PRKN: variants seen among roughly 807,000 people sequenced by gnomAD.
PRKN encodes E3 ubiquitin-protein ligase parkin.
Under a neutral mutation model 59.5 loss-of-function variants are expected in PRKN, and 56 were observed. The observed-to-expected ratio is 0.94, with a 90% CI of 0.76 to 1.18. The LOEUF (loss-of-function observed/expected upper bound fraction) is 1.18, where lower values mean the gene tolerates loss of function less well. PRKN is among the 50% of genes most tolerant of loss of function. The probability of loss-of-function intolerance (pLI) is 0.00; values close to 1 mark genes in which losing one functional copy is unlikely to be tolerated. For synonymous variants in PRKN, 250 were observed against 222.1 expected (o/e 1.13, Z -1.12); for missense variants, 657 against 596.4 (o/e 1.10, Z -1.06).
chr6:161,364,671 G>A (rs1387207978), intron 10 of PRKN, among the ~76,000 whole-genome samples: 1 of 151,974 alleles, frequency 6.6e-6, no homozygotes, highest in East Asian at 1.9e-4. Flanking sequence ...AGTAGGCTGT[G>A]TGTGGTGGCT....
chr6:161,430,119 G>A (rs1384458180), intron 9 of PRKN, among the ~76,000 whole-genome samples: 1 of 152,110 alleles, frequency 6.6e-6, no homozygotes, highest in Admixed American at 6.5e-5. Flanking sequence ...TTTTATAATG[G>A]GCCGTGAGCA....
intron 7 of PRKN, among the ~76,000 whole-genome samples, chr6:161,669,146 C>A (rs1479799419): frequency 6.6e-6 from 1 of 152,156 alleles, no homozygotes; most frequent in African/African-American, 2.4e-5. Flanking sequence ...AGACACAATC[C>A]TTTACAAACA....
rs1554277877 is a variant in PRKN at position 161,570,146 on chromosome 6, AATAT to A, written c.872-734_872-731del. Reference sequence around the variant, plus strand: ...AGGTAAAAAAAAAAAAAAAAAAAAAAATATATATATATATATATATATGCACACA... The same window carrying A: ...AGGTAAAAAAAAAAAAAAAAAAAAAAATATATATATATATATATGCACACA... On this transcript the variant is annotated intron_variant, in intron 7 of 11. Coordinates refer to ENST00000366898, the MANE Select transcript of PRKN (RefSeq NM_004562.3). Among the ~76,000 whole-genome samples the A allele has an allele frequency of 1.1e-3, 87 of 76,556 alleles. 1 individual carries two copies. The highest frequency in any genetic ancestry group is 0.015 in the Middle Eastern group (2 of 134). 50.2% of individuals were successfully genotyped at this position (76,556 alleles called of 152,430 possible).
At chr6:161,993,550 T>C (rs1781729172) in intron 5 of PRKN, among the ~76,000 whole-genome samples, 1 of 152,200 alleles carries the variant, frequency 6.6e-6, no homozygotes, top group Non-Finnish European at 1.5e-5. Flanking sequence ...TCTTAAACTA[T>C]TTCAAAAAGG....
intron 7 of PRKN, among the ~76,000 whole-genome samples, chr6:161,665,596 T>A (rs954346206): frequency 2.8e-4 from 43 of 152,188 alleles, no homozygotes; most frequent in African/African-American, 1.0e-3. Flanking sequence ...CTTGCTCCCA[T>A]CTTCTAATAG....
chr6:161,879,748 A>G (rs1303832677), intron 6 of PRKN, among the ~76,000 whole-genome samples: 1 of 152,190 alleles, frequency 6.6e-6, no homozygotes, highest in African/African-American at 2.4e-5. Flanking sequence ...CTGAAAACAC[A>G]CTGAAACTTA....
At chr6:162,562,929 G>C (rs1779901883) in intron 1 of PRKN, among the ~76,000 whole-genome samples, 1 of 152,186 alleles carries the variant, frequency 6.6e-6, no homozygotes, top group Admixed American at 6.5e-5. Context: ...CATAGTGGTG[G>C]TGGCCACAGG....
chr6:161,514,643 T>C (rs1327947168), intron 9 of PRKN, among the ~76,000 whole-genome samples: 1 of 151,998 alleles, frequency 6.6e-6, no homozygotes, highest in African/African-American at 2.4e-5. Context: ...AGTTGGGGGA[T>C]AGCCGTTTGT....
At chr6:162,368,852 T>G in intron 2 of PRKN, among the ~76,000 whole-genome samples, 1 of 152,202 alleles carries the variant, frequency 6.6e-6, no homozygotes, top group East Asian at 1.9e-4. Context: ...GAGCCAAACC[T>G]GTGTCTCTGC....
intron 9 of PRKN, among the ~76,000 whole-genome samples, chr6:161,514,418 A>C (rs1778511521): frequency 6.6e-6 from 1 of 151,984 alleles, no homozygotes; most frequent in Non-Finnish European, 1.5e-5. Flanking sequence ...TTGGGGGTAA[A>C]GTTTTATTTT....
chr6:162,120,611 G>A (rs1429486483), intron 4 of PRKN, among the ~76,000 whole-genome samples: 1 of 152,186 alleles, frequency 6.6e-6, no homozygotes, highest in Non-Finnish European at 1.5e-5. Flanking sequence ...ATTGCAGAAG[G>A]TTCAGAAATG....
In PRKN at chr6:161,391,427, C is replaced by T. The variant is rs144829055; in HGVS notation, c.1084-4550G>A. On this transcript the variant is annotated intron_variant, in intron 9 of 11. Transcript: ENST00000366898. This position sits in a 1 kb window ranked among gnomAD's most constrained non-coding sequence, Gnocchi z 4.9. ...GGATCTAACAAATGTGATCCATTTC[C>T]GTAGAGTTGTTTTTTTTTTTCGAGA... Among the ~76,000 whole-genome samples, 199 of 150,440 alleles carry T rather than the reference C, an allele frequency of 1.3e-3. No individual in the cohort carries two copies. The highest frequency in any genetic ancestry group is 4.5e-3 in the African/African-American group (183 of 41,048).
At chr6:162,145,151 T>C (rs1781969046) in intron 4 of PRKN, among the ~76,000 whole-genome samples, 1 of 152,176 alleles carries the variant, frequency 6.6e-6, no homozygotes, top group Non-Finnish European at 1.5e-5. Flanking sequence ...TGGGTAAAAA[T>C]AACCTTCAAT....
intron 2 of PRKN, among the ~76,000 whole-genome samples, chr6:162,281,702 G>A (rs1780918029): frequency 6.6e-6 from 1 of 152,180 alleles, no homozygotes; most frequent in Non-Finnish European, 1.5e-5. Flanking sequence ...TAGCAAATGA[G>A]TTAAAATTTT....
intron 2 of PRKN, among the ~76,000 whole-genome samples, chr6:162,384,567 T>C (rs1451953020): frequency 1.4e-5 from 2 of 147,576 alleles, no homozygotes; most frequent in African/African-American, 5.0e-5. Flanking sequence ...ATGATAGAGA[T>C]AGAGTGAGCA....
rs574639849 is a variant in PRKN at position 162,146,930 on chromosome 6, A to G, written c.534+54201T>C. ...ATTTTTAGTAGAGACAGGGTTTCAC[A>G]GTATTGGTCAGGCTGGTTTCAAACT... On this transcript the variant is annotated intron_variant, in intron 4 of 11. Transcript: ENST00000366898. Among the ~76,000 whole-genome samples, 8 of 150,574 alleles carry G rather than the reference A, an allele frequency of 5.3e-5. 1 individual carries two copies. In the East Asian group the frequency reaches 1.2e-3, roughly 22 times the overall value.
chr6:161,963,425 G>T (rs948008811), intron 6 of PRKN, among the ~76,000 whole-genome samples: 1 of 152,234 alleles, frequency 6.6e-6, no homozygotes, highest in African/African-American at 2.4e-5. Context: ...AAGCCCACAG[G>T]TTCACCACGG....
chr6:161,804,828 G>A (rs1791240203), intron 6 of PRKN, among the ~76,000 whole-genome samples: 1 of 152,198 alleles, frequency 6.6e-6, no homozygotes, highest in East Asian at 1.9e-4. Flanking sequence ...CTGTCTATGA[G>A]CAGTGCTATG....
intron 1 of PRKN, among the ~76,000 whole-genome samples, chr6:162,554,261 T>C (rs974344077): frequency 6.6e-6 from 1 of 152,104 alleles, no homozygotes; most frequent in Non-Finnish European, 1.5e-5. Context: ...CCCAGCACTT[T>C]GGGAGGCTGA....
Sources: allele counts gnomAD v4.1 joint callset (sites outside exome capture counted in the v4.1 genomes callset), GRCh38; gene constraint gnomAD v4.1.1; non-coding constraint Gnocchi (gnomAD v3.1); transcripts MANE v1.5; gene names NCBI Gene and HGNC (gene_info 2026-07-23, HGNC 2026-07-21).